Variants in CFDP1 observed in about 807,000 individuals in gnomAD.
CFDP1 encodes chromatin remodeling protein CFDP1.
Under a neutral mutation model 40.1 loss-of-function variants are expected in CFDP1, and 31 were observed. That is an observed-to-expected ratio of 0.77 (90% CI 0.58 to 1.04). CFDP1 has a LOEUF of 1.04. Among genes scored for constraint, CFDP1 ranks in the 50% least tolerant of loss-of-function variants. The probability of loss-of-function intolerance (pLI) is 0.00; values close to 1 mark genes in which losing one functional copy is unlikely to be tolerated. For synonymous variants in CFDP1, 167 were observed against 120.0 expected (o/e 1.39, Z -2.56); for missense variants, 423 against 343.4 (o/e 1.23, Z -1.83).
At chr16:75,351,322 C>T (rs114861641) in intron 5 of CFDP1, among the ~76,000 whole-genome samples, 69 of 152,294 alleles carry the variant, frequency 4.5e-4, no homozygotes, top group African/African-American at 1.6e-3. Context: ...GCATTCTTAT[C>T]CCTAATGTCT....
chr16:75,327,770 C>G (rs1476770876), intron 5 of CFDP1, among the ~76,000 whole-genome samples: 1 of 152,160 alleles, frequency 6.6e-6, no homozygotes, highest in Non-Finnish European at 1.5e-5. Context: ...GTCGCCCAGG[C>G]TGGAGTGCAA....
chr16:75,343,871 G>C (rs1038198992), intron 5 of CFDP1, among the ~76,000 whole-genome samples: 1 of 152,126 alleles, frequency 6.6e-6, no homozygotes, highest in Non-Finnish European at 1.5e-5. Flanking sequence ...GAGTAGACGG[G>C]GCAATACATA....
intron 5 of CFDP1, among the ~76,000 whole-genome samples, chr16:75,322,353 T>G (rs1290927539): frequency 1.3e-5 from 2 of 152,202 alleles, no homozygotes; most frequent in Non-Finnish European, 2.9e-5. Context: ...AAATTTTTAT[T>G]TATAGTCATG....
intron 5 of CFDP1, among the ~76,000 whole-genome samples, chr16:75,326,697 C>A (rs1013686194): frequency 2.6e-5 from 4 of 152,158 alleles, no homozygotes; most frequent in Non-Finnish European, 5.9e-5. Context: ...AAAGAAGAGC[C>A]TAAAATCTTC....
chr16:75,329,889 T>C (rs2078432629), intron 5 of CFDP1, among the ~76,000 whole-genome samples: 2 of 152,192 alleles, frequency 1.3e-5, no homozygotes, highest in South Asian at 4.1e-4. Context: ...TTCCTGTTCT[T>C]GGGGAGCTAT....
At chr16:75,390,957 A>G (rs930945614) in intron 5 of CFDP1, among the ~76,000 whole-genome samples, 1 of 152,222 alleles carries the variant, frequency 6.6e-6, no homozygotes, top group Admixed American at 6.5e-5. Flanking sequence ...TGAGAATGCC[A>G]TCTGTTTCCT....
intron 1 of CFDP1, among the ~76,000 whole-genome samples, chr16:75,425,042 T>G (rs1434415229): frequency 6.6e-6 from 1 of 152,038 alleles, no homozygotes; most frequent in African/African-American, 2.4e-5. Flanking sequence ...TTCCATATAC[T>G]AGTTACAAAC....
chr16:75,417,362 C>T (rs1169085100), intron 1 of CFDP1, among the ~76,000 whole-genome samples: 1 of 151,916 alleles, frequency 6.6e-6, no homozygotes, highest in African/African-American at 2.4e-5. Context: ...TGCTATGGTC[C>T]ATCTAAATAA....
chr16:75,414,626 G>C lies in CFDP1; in HGVS notation c.134C>G (p.Thr45Arg), dbSNP rs774242462. The change falls in exon 2 of 7, where the codon ACA becomes AGA. Residue 45 changes from threonine to arginine, a missense_variant. Thr to Arg is a moderately conservative substitution (Grantham distance 71). Coordinates refer to ENST00000283882, the MANE Select transcript of CFDP1 (RefSeq NM_006324.3). Reference protein sequence around the residue: ...KEDEVDGEEQTQKTQGKKRKA... With the variant: ...KEDEVDGEEQRQKTQGKKRKA... ...TCTTTTTTTCCCTTGGGTTTTCTGT[G>C]TCTGCTCTTCACCATCCACTTCATC... is the stretch of plus-strand genomic sequence containing the variant. The C allele has an allele frequency of 6.2e-7, 1 of 1,613,376 alleles. No homozygotes were observed. Among genetic ancestry groups the C allele is most frequent in the South Asian group, 1.1e-5 (1 of 91,046 alleles).
At chr16:75,349,698 T>TATATATATATATATATATACAC (rs146824267) in intron 5 of CFDP1, among the ~76,000 whole-genome samples, 576 of 47,830 alleles carry the variant, frequency 0.012, 51 homozygotes, top group South Asian at 0.017. Context: ...AAAATATATA[T>TATATATATATATATATATACAC]ACATACATAT....
chr16:75,400,730 A>G (rs2151570780), intron 4 of CFDP1, among the ~76,000 whole-genome samples: 1 of 152,342 alleles, frequency 6.6e-6, no homozygotes, highest in East Asian at 1.9e-4. Flanking sequence ...CCTGAAGCCT[A>G]GGTGTTCTGT....
intron 5 of CFDP1, among the ~76,000 whole-genome samples, chr16:75,336,967 G>A (rs2078493245): frequency 6.6e-6 from 1 of 152,134 alleles, no homozygotes. Flanking sequence ...TTATTGATTT[G>A]TAGGGGATCT....
intron 5 of CFDP1, among the ~76,000 whole-genome samples, chr16:75,313,658 G>C (rs977439791): frequency 1.3e-5 from 2 of 152,310 alleles, no homozygotes; most frequent in African/African-American, 4.8e-5. Flanking sequence ...TAAGGTGTGC[G>C]AATGTTCATT....
chr16:75,294,330 T>G (rs1225348743), intron 6 of CFDP1, among the ~76,000 whole-genome samples: 1 of 152,230 alleles, frequency 6.6e-6, no homozygotes, highest in Non-Finnish European at 1.5e-5. Flanking sequence ...AATACCGGTT[T>G]ACACAAGCAT....
chr16:75,334,331 C>G (rs2078469921), intron 5 of CFDP1, among the ~76,000 whole-genome samples: 1 of 151,516 alleles, frequency 6.6e-6, no homozygotes, highest in South Asian at 2.1e-4. Context: ...GTAAAAAGGA[C>G]CGGGAAAGAC....
At chr16:75,431,128 C>T (rs1375857856) in intron 1 of CFDP1, among the ~76,000 whole-genome samples, 1 of 151,864 alleles carries the variant, frequency 6.6e-6, no homozygotes, top group Non-Finnish European at 1.5e-5. Flanking sequence ...CAGCTGTCAA[C>T]ATGATGTTTA....
chr16:75,383,542 G>A (rs2078868152), intron 5 of CFDP1, among the ~76,000 whole-genome samples: 1 of 152,082 alleles, frequency 6.6e-6, no homozygotes, highest in South Asian at 2.1e-4. Context: ...CAGCCCCAGC[G>A]AGGCGCTGTG....
At chr16:75,312,233 T>G (rs2151504518) in intron 5 of CFDP1, among the ~76,000 whole-genome samples, 1 of 152,278 alleles carries the variant, frequency 6.6e-6, no homozygotes, top group South Asian at 2.1e-4. Flanking sequence ...GGGAGCTAGT[T>G]TAACTCCCAT....
intron 1 of CFDP1, among the ~76,000 whole-genome samples, chr16:75,426,029 C>A (rs568808840): frequency 1.6e-4 from 13 of 80,680 alleles, no homozygotes; most frequent in African/African-American, 6.6e-4. Flanking sequence ...GAGCAACACT[C>A]TGTCTCAAAA....
Sources: gnomAD v4.1 joint callset for allele counts (sites outside exome capture counted in the v4.1 genomes callset) on GRCh38, gnomAD v4.1.1 for gene constraint, MANE v1.5 for transcripts, NCBI Gene and HGNC (gene_info 2026-07-23, HGNC 2026-07-21) for gene names.